Variants in MTUS2 observed in about 807,000 individuals in gnomAD.
MTUS2 encodes microtubule associated scaffold protein 2.
MTUS2 carries 40 observed loss-of-function variants against 114.1 expected under a neutral mutation model. The observed-to-expected ratio is 0.35, with a 90% CI of 0.27 to 0.46. The LOEUF (loss-of-function observed/expected upper bound fraction) is 0.46. Among genes scored for constraint, MTUS2 ranks in the 20% least tolerant of loss-of-function variants. The pLI is 1.00. For synonymous variants in MTUS2, 688 were observed against 672.0 expected, an observed-to-expected ratio of 1.02 and a Z score of -0.37; for missense variants, 1,679 against 1,705.4, an observed-to-expected ratio of 0.98 and a Z score of 0.27.
chr13:29,333,111 T>C (rs9579328), intron 7 of MTUS2, among the ~76,000 whole-genome samples: 40,070 of 152,096 alleles, frequency 0.26, 5,974 homozygotes, highest in African/African-American at 0.41. Context: ...TTATTTTTGC[T>C]TTAATTTCAT....
At chr13:28,834,127 G>A (rs952453606) in intron 1 of MTUS2, among the ~76,000 whole-genome samples, 4 of 152,008 alleles carry the variant, frequency 2.6e-5, no homozygotes, top group South Asian at 2.1e-4. Context: ...TAATGTAATC[G>A]CTATCAAAAA....
In MTUS2 at chr13:29,025,510, G is replaced by T. The variant is rs768213209; in HGVS notation, c.812G>T (p.Ser271Ile). 7.4e-6 allele frequency: 12 copies of T among 1,613,658 alleles called. No homozygotes were observed. The highest frequency in any genetic ancestry group is 1.0e-5 in the Non-Finnish European group (12 of 1,179,728). ...TVGAHVLQVCSEHTSHSAHPE... is the reference protein window; with the variant it reads ...TVGAHVLQVCIEHTSHSAHPE... ...GGGGCACATGTACTGCAGGTGTGCA[G>T]TGAGCACACATCACATTCCGCCCAT... The change falls in exon 3 of 16, where the codon AGT becomes ATT. Residue 271 changes from serine (S) to isoleucine (I), a missense_variant. By Grantham distance (142) the Ser-to-Ile change is moderately radical. Coordinates refer to ENST00000612955, the MANE Select transcript of MTUS2 (RefSeq NM_001033602.4).
intron 5 of MTUS2, among the ~76,000 whole-genome samples, chr13:29,170,727 AACAG>A (rs1266168078): frequency 1.3e-5 from 2 of 152,212 alleles, no homozygotes; most frequent in Admixed American, 1.3e-4. Context: ...TGTTAGGGCC[AACAG>A]ACAGCTTGGA....
At chr13:28,960,584 A>G (rs1314319734) in intron 2 of MTUS2, among the ~76,000 whole-genome samples, 2 of 152,230 alleles carry the variant, frequency 1.3e-5, no homozygotes, top group Non-Finnish European at 2.9e-5. Flanking sequence ...TATGCTGAGT[A>G]AAAGAAGCCA....
chr13:29,168,178 C>T (rs1169405376), intron 5 of MTUS2, among the ~76,000 whole-genome samples: 1 of 152,144 alleles, frequency 6.6e-6, no homozygotes, highest in African/African-American at 2.4e-5. Context: ...TACTCAGATG[C>T]CTTCCCTCGA....
chr13:28,999,004 T>C (rs916952007), intron 2 of MTUS2, among the ~76,000 whole-genome samples: 2 of 152,212 alleles, frequency 1.3e-5, no homozygotes, highest in East Asian at 3.8e-4. Context: ...CTCTGTTTTT[T>C]CCCCATCTTT....
intron 9 of MTUS2, among the ~76,000 whole-genome samples, chr13:29,475,894 G>A (rs1880665814): frequency 6.6e-6 from 1 of 152,160 alleles, no homozygotes; most frequent in South Asian, 2.1e-4. Flanking sequence ...TAGCCTAAGT[G>A]TATGGTGTTT....
chr13:29,059,494 A>G (rs1217857863), intron 4 of MTUS2, among the ~76,000 whole-genome samples: 3 of 152,166 alleles, frequency 2.0e-5, no homozygotes, highest in Admixed American at 6.5e-5. Context: ...GTAAGGTTGC[A>G]TCTGCCCACA....
intron 6 of MTUS2, among the ~76,000 whole-genome samples, chr13:29,315,908 A>G (rs1207486645): frequency 2.0e-5 from 3 of 152,256 alleles, no homozygotes; most frequent in South Asian, 4.2e-4. Context: ...GGATATGTGA[A>G]TTTCAGAGGC....
chr13:29,232,150 ATCT>A (rs1297936138), intron 5 of MTUS2, among the ~76,000 whole-genome samples: 2 of 152,248 alleles, frequency 1.3e-5, no homozygotes, highest in Non-Finnish European at 2.9e-5. Context: ...GTATTTCCAG[ATCT>A]TCTGCTTTTA....
intron 5 of MTUS2, among the ~76,000 whole-genome samples, chr13:29,169,243 A>C (rs1893451794): frequency 6.6e-6 from 1 of 152,238 alleles, no homozygotes. Flanking sequence ...TATTAGCTGA[A>C]GGATGGAGCT....
intron 2 of MTUS2, among the ~76,000 whole-genome samples, chr13:28,978,431 A>G (rs1029119478): frequency 5.9e-5 from 9 of 152,248 alleles, no homozygotes; most frequent in African/African-American, 2.2e-4. Flanking sequence ...AAGGGCATAA[A>G]CAACATCATT....
At chr13:29,442,686 C>T (rs1183158020) in intron 9 of MTUS2, among the ~76,000 whole-genome samples, 1 of 152,042 alleles carries the variant, frequency 6.6e-6, no homozygotes, top group Non-Finnish European at 1.5e-5. Context: ...AGAAGAAACC[C>T]TGCAGTGCCC....
intron 8 of MTUS2, among the ~76,000 whole-genome samples, chr13:29,416,194 G>T: frequency 1.3e-5 from 2 of 150,902 alleles, no homozygotes; most frequent in East Asian, 3.9e-4. Context: ...CTCCTAAAGT[G>T]CTGTAATTAC....
At chr13:28,999,085 T>C (rs1885260444) in intron 2 of MTUS2, among the ~76,000 whole-genome samples, 1 of 152,228 alleles carries the variant, frequency 6.6e-6, no homozygotes, top group Non-Finnish European at 1.5e-5. Flanking sequence ...ATGTCCTTTC[T>C]GTTTGTTAGT....
chr13:29,273,441 A>G (rs1239325521), intron 5 of MTUS2, among the ~76,000 whole-genome samples: 1 of 152,216 alleles, frequency 6.6e-6, no homozygotes, highest in Non-Finnish European at 1.5e-5. Context: ...TTCACCAGAA[A>G]AGAACACTAG....
chr13:28,887,003 G>A (rs185550990), intron 2 of MTUS2, among the ~76,000 whole-genome samples: 207 of 152,342 alleles, frequency 1.4e-3, no homozygotes, highest in African/African-American at 4.4e-3. Flanking sequence ...GCAAGGTACA[G>A]AGCTAGTGCA....
At chr13:29,173,529 G>A (rs959560337) in intron 5 of MTUS2, among the ~76,000 whole-genome samples, 9 of 152,030 alleles carry the variant, frequency 5.9e-5, no homozygotes, top group African/African-American at 9.7e-5. Flanking sequence ...TGTAATTTTC[G>A]TATGTCAGTG....
chr13:28,931,314 TTG>T (rs768064602), intron 2 of MTUS2, among the ~76,000 whole-genome samples: 7 of 152,212 alleles, frequency 4.6e-5, no homozygotes, highest in Non-Finnish European at 8.8e-5. Flanking sequence ...TGGTTAGGCT[TTG>T]TGTCTCCACC....
Sources: gnomAD v4.1 joint callset for allele counts (sites outside exome capture counted in the v4.1 genomes callset) on GRCh38, gnomAD v4.1.1 for gene constraint, MANE v1.5 for transcripts, NCBI Gene and HGNC (gene_info 2026-07-23, HGNC 2026-07-21) for gene names.